FMN1: variants seen among roughly 807,000 people sequenced by gnomAD.
FMN1 encodes the protein formin-1.
Under a neutral mutation model 132.4 loss-of-function variants are expected in FMN1, and 110 were observed. The ratio of observed to expected loss-of-function variants is 0.83; its 90% CI spans 0.71 to 0.97. The LOEUF (loss-of-function observed/expected upper bound fraction) is 0.97, where lower values mean the gene tolerates loss of function less well. Among genes scored for constraint, FMN1 ranks in the 50% least tolerant of loss-of-function variants. FMN1 has a pLI of 0.00. For missense variants in FMN1, 1,792 were observed against 1,705.3 expected (o/e 1.05, Z -0.90); for synonymous variants, 722 against 651.7 (o/e 1.11, Z -1.64).
At chr15:33,046,383 T>C (rs996727169) in intron 6 of FMN1, among the ~76,000 whole-genome samples, 1 of 152,150 alleles carries the variant, frequency 6.6e-6, no homozygotes. Flanking sequence ...GGATGCCTAT[T>C]AATATGCAGA....
intron 4 of FMN1, among the ~76,000 whole-genome samples, chr15:33,094,617 C>A (rs1036045704): frequency 6.6e-6 from 1 of 152,198 alleles, no homozygotes; most frequent in African/African-American, 2.4e-5. Context: ...TATGATACTC[C>A]TTCCCAGAAA....
chr15:33,117,942 AAAT>A (rs1566931189), intron 4 of FMN1, among the ~76,000 whole-genome samples: 2 of 152,180 alleles, frequency 1.3e-5, no homozygotes, highest in Non-Finnish European at 2.9e-5. Flanking sequence ...TACGGAAGAG[AAAT>A]AATACTGTTT....
At chr15:32,997,958 A>G (rs1026188591) in intron 7 of FMN1, among the ~76,000 whole-genome samples, 3 of 152,222 alleles carry the variant, frequency 2.0e-5, no homozygotes, top group South Asian at 4.1e-4. Flanking sequence ...ATGTTCATGA[A>G]AAAAATAAAT....
At chr15:33,175,418 A>G (rs1031493304) in intron 3 of FMN1, among the ~76,000 whole-genome samples, 2 of 152,138 alleles carry the variant, frequency 1.3e-5, no homozygotes, top group African/African-American at 4.8e-5. Flanking sequence ...GAGACTTCCT[A>G]GGTTATTTCA....
chr15:33,135,807 A>G (rs1476497711), intron 4 of FMN1, among the ~76,000 whole-genome samples: 3 of 152,168 alleles, frequency 2.0e-5, no homozygotes, highest in South Asian at 4.1e-4. Flanking sequence ...TATTCTATGA[A>G]CCAAAAAAAC....
At chr15:32,973,618 A>T (rs1488043117) in intron 7 of FMN1, among the ~76,000 whole-genome samples, 2 of 148,996 alleles carry the variant, frequency 1.3e-5, no homozygotes, top group Non-Finnish European at 3.0e-5. Context: ...TTCCTGTTTC[A>T]TAATCTCTCT....
chr15:32,886,947 T>C (rs1446464516), intron 16 of FMN1, among the ~76,000 whole-genome samples: 1 of 152,182 alleles, frequency 6.6e-6, no homozygotes, highest in Non-Finnish European at 1.5e-5. Context: ...CATATCGCAT[T>C]TCTAAAGGAA....
chr15:32,769,330 C>G lies in FMN1; in HGVS notation c.*4980G>C, dbSNP rs994019216. 26 of 152,208 alleles carry G rather than the reference C, an allele frequency of 1.7e-4. No individual in the cohort carries two copies. The highest frequency in any genetic ancestry group is 6.0e-4 in the African/African-American group (25 of 41,450). The allele number at this position is 152,208 out of a possible 1,614,324, so 9.4% of individuals were successfully genotyped here. ...CATCACTTTCCAACAAAGCATTGAT[C>G]TGGAAGTTCAGTAGATTGCCCATTC... On this transcript the variant is annotated 3_prime_UTR_variant, in exon 21 of 21. Transcript: ENST00000616417.
At chr15:33,147,317 TGTTGA>T (rs1166362307) in intron 4 of FMN1, among the ~76,000 whole-genome samples, 40 of 152,156 alleles carry the variant, frequency 2.6e-4, no homozygotes, top group Admixed American at 5.2e-4. Context: ...TGAGGCAGAG[TGTTGA>T]GTTAACAAAT....
At chr15:32,918,158 A>G (rs887562077) in intron 10 of FMN1, among the ~76,000 whole-genome samples, 6 of 152,152 alleles carry the variant, frequency 3.9e-5, no homozygotes, top group African/African-American at 1.4e-4. Context: ...AAATAAGAAG[A>G]AAATAAAATC....
At chr15:32,989,139 T>C (rs1287325573) in intron 7 of FMN1, among the ~76,000 whole-genome samples, 3 of 58,776 alleles carry the variant, frequency 5.1e-5, no homozygotes, top group African/African-American at 8.1e-5. Context: ...GTTTCCACTA[T>C]AGGGGAAGAA....
chr15:33,143,220 G>T (rs1964078254), intron 4 of FMN1, among the ~76,000 whole-genome samples: 1 of 152,078 alleles, frequency 6.6e-6, no homozygotes, highest in African/African-American at 2.4e-5. Flanking sequence ...TAGTTTCAAG[G>T]TTAGTTAAAA....
At chr15:32,823,365 G>A (rs185101364) in intron 17 of FMN1, among the ~76,000 whole-genome samples, 18 of 151,482 alleles carry the variant, frequency 1.2e-4, no homozygotes, top group African/African-American at 1.5e-4. Context: ...AGGGTTTCAC[G>A]GTGTTAGCCA....
chr15:33,147,444 T>C (rs1412113222), intron 4 of FMN1, among the ~76,000 whole-genome samples: 1 of 152,264 alleles, frequency 6.6e-6, no homozygotes, highest in Non-Finnish European at 1.5e-5. Flanking sequence ...TTCTGCTATT[T>C]CTACACATCT....
intron 10 of FMN1, among the ~76,000 whole-genome samples, chr15:32,923,001 G>A (rs772705227): frequency 6.6e-6 from 1 of 152,188 alleles, no homozygotes; most frequent in African/African-American, 2.4e-5. Context: ...TGTTGTTGTT[G>A]TAAGAAGGAA....
chr15:32,985,849 T>A (rs886235821), intron 7 of FMN1, among the ~76,000 whole-genome samples: 1 of 152,106 alleles, frequency 6.6e-6, no homozygotes, highest in Non-Finnish European at 1.5e-5. Context: ...ATAAAGATAT[T>A]AATATTGCCA....
chr15:32,951,692 CA>C (rs2061657229), intron 9 of FMN1, among the ~76,000 whole-genome samples: 1 of 152,196 alleles, frequency 6.6e-6, no homozygotes, highest in Non-Finnish European at 1.5e-5. Flanking sequence ...AAACATTTCA[CA>C]TACTACATTT....
At chr15:33,021,024 G>A (rs1370011332) in intron 6 of FMN1, among the ~76,000 whole-genome samples, 1 of 152,200 alleles carries the variant, frequency 6.6e-6, no homozygotes, top group Admixed American at 6.5e-5. Context: ...TGGAATATAA[G>A]CTGACGTGAT....
intron 2 of FMN1, among the ~76,000 whole-genome samples, chr15:33,180,964 T>C (rs192084920): frequency 2.1e-3 from 326 of 152,234 alleles, no homozygotes; most frequent in African/African-American, 7.6e-3. Context: ...TTGTCCAGGC[T>C]TGTCTTGAAC....
Sources: allele counts gnomAD v4.1 joint callset (sites outside exome capture counted in the v4.1 genomes callset), GRCh38; gene constraint gnomAD v4.1.1; transcripts MANE v1.5; gene names NCBI Gene and HGNC (gene_info 2026-07-23, HGNC 2026-07-21).